Variants in RPGRIP1 observed in about 807,000 individuals in gnomAD.
The protein encoded by RPGRIP1 is X-linked retinitis pigmentosa GTPase regulator-interacting protein 1.
In RPGRIP1, 128 loss-of-function variants were observed where a neutral mutation model predicts 157.9. That is an observed-to-expected ratio of 0.81 (90% CI 0.70 to 0.94). The LOEUF is 0.94. Among genes scored for constraint, RPGRIP1 ranks in the 40% least tolerant of loss-of-function variants. The pLI is 0.00. For synonymous variants in RPGRIP1, 554 were observed against 571.6 expected (o/e 0.97, Z 0.44); for missense variants, 1,486 against 1,545.8 (o/e 0.96, Z 0.65).
chr14:21,296,102 ATTT>A (rs557240876), intron 3 of RPGRIP1, among the ~76,000 whole-genome samples: 3 of 136,356 alleles, frequency 2.2e-5, no homozygotes, highest in African/African-American at 2.7e-5. Flanking sequence ...TGGCCAGCTA[ATTT>A]TTTTTTTTTT....
chr14:21,286,677 C>G (rs1032553716), intron 1 of RPGRIP1, among the ~76,000 whole-genome samples: 6 of 151,892 alleles, frequency 4.0e-5, no homozygotes, highest in Non-Finnish European at 8.8e-5. Context: ...TGCCTGTAAT[C>G]TCAGCTACTT....
In RPGRIP1 at chr14:21,306,112, CTTTTTTTTTTTTTTTTTTT is replaced by C. The variant is rs539083010; in HGVS notation, c.801-1600_801-1582del. 2.6e-3 allele frequency among the ~76,000 whole-genome samples: 117 copies of C among 44,824 alleles called. 1 individual carries two copies. Among genetic ancestry groups the C allele is most frequent in the African/African-American group, 9.5e-3 (107 of 11,210 alleles). 29.4% of individuals were successfully genotyped at this position (44,824 alleles called of 152,430 possible). A position where few individuals can be genotyped will look rare whatever the true frequency, so the allele number is the denominator to read the frequency against. ...AGCTCCTAGGTTCAGGAATAATAGT[CTTTTTTTTTTTTTTTTTTT>C]TTTTTTTTTTTTTTTTTTGAGACAG... is the stretch of plus-strand genomic sequence containing the variant. On this transcript the variant is annotated intron_variant, in intron 6 of 24. Coordinates refer to ENST00000400017, the MANE Select transcript of RPGRIP1 (RefSeq NM_020366.4).
intron 14 of RPGRIP1, 197 bp from the exon 15 acceptor site, chr14:21,324,421 A>T: frequency 1.6e-6 from 1 of 614,956 alleles, no homozygotes; most frequent in Non-Finnish European, 2.9e-6. Flanking sequence ...TAAAGCTGGC[A>T]TTGGATTATT....
chr14:21,337,429 A>T (rs1884476312), intron 21 of RPGRIP1, among the ~76,000 whole-genome samples: 1 of 150,522 alleles, frequency 6.6e-6, no homozygotes, highest in Admixed American at 6.6e-5. Flanking sequence ...TGGAGTTCTC[A>T]ATGTTAAGCT....
chr14:21,289,267 G>T (rs1268397552), intron 2 of RPGRIP1, among the ~76,000 whole-genome samples: 1 of 152,140 alleles, frequency 6.6e-6, no homozygotes, highest in Non-Finnish European at 1.5e-5. Context: ...AGTGGAGCTT[G>T]CAGTGAGCCG....
chr14:21,324,589 A>C, intron 14 of RPGRIP1, 29 bp from the exon 15 acceptor site: 1 of 1,586,786 alleles, frequency 6.3e-7, no homozygotes, highest in Non-Finnish European at 8.6e-7. Flanking sequence ...CTACCCTTTA[A>C]CGGATAGGCA....
chr14:21,313,617 G>C (rs1476231560), intron 10 of RPGRIP1, among the ~76,000 whole-genome samples: 3 of 151,864 alleles, frequency 2.0e-5, no homozygotes, highest in Admixed American at 6.6e-5. Context: ...ATGAAGCCCT[G>C]TGTCTACTAA....
intron 21 of RPGRIP1, among the ~76,000 whole-genome samples, chr14:21,341,442 A>G (rs1884987452): frequency 6.6e-6 from 1 of 152,200 alleles, no homozygotes; most frequent in African/African-American, 2.4e-5. Flanking sequence ...TTGCTTTCTA[A>G]GAGAAGAAAA....
At position 21,328,626 on chromosome 14, in the gene RPGRIP1, A is replaced by T. The variant is rs775804131; in HGVS notation, c.3098A>T (p.Glu1033Val). 18 of 1,603,744 alleles carry T rather than the reference A, an allele frequency of 1.1e-5. No individual in the cohort carries two copies. The highest frequency in any genetic ancestry group is 1.5e-5 in the Non-Finnish European group (17 of 1,171,044). ...AACATCTTAAATGGAAATACACCAG[A>T]GGTAAGACCTTAAAAACTCTGAAGC... The part of the protein sequence containing the change: ...SLNILNGNTP[E>V]QVNYTEWKFS... The change falls in exon 19 of 25, where the codon GAG becomes GTG. Residue 1033 changes from glutamate (E) to valine (V), a missense_variant and splice_region_variant. Coordinates refer to ENST00000400017, the MANE Select transcript of RPGRIP1 (RefSeq NM_020366.4).
At chr14:21,320,980 C>A (rs1019854579) in intron 12 of RPGRIP1, among the ~76,000 whole-genome samples, 1 of 152,154 alleles carries the variant, frequency 6.6e-6, no homozygotes, top group Non-Finnish European at 1.5e-5. Context: ...CCACTCTTTG[C>A]AGCTCATAAA....
intron 10 of RPGRIP1, among the ~76,000 whole-genome samples, chr14:21,315,325 G>A (rs966882013): frequency 1.3e-4 from 19 of 151,776 alleles, no homozygotes; most frequent in Admixed American, 2.6e-4. Flanking sequence ...GGCTAACACG[G>A]TGAAACCCCG....
chr14:21,330,478 C>T lies in RPGRIP1; in HGVS notation c.3238+91C>T, dbSNP rs111251470. ...GATCAGGCTTTCAAGAGCAGCCTGGCCAACATGATGAAACCCGTCTCTACT... is the reference window on the plus strand; with the variant it reads ...GATCAGGCTTTCAAGAGCAGCCTGGTCAACATGATGAAACCCGTCTCTACT... On this transcript the variant is annotated intron_variant, in intron 20 of 24. Coordinates refer to ENST00000400017, the MANE Select transcript of RPGRIP1 (RefSeq NM_020366.4). 483 of 909,756 alleles carry T rather than the reference C, an allele frequency of 5.3e-4. 1 individual carries two copies. The African/African-American group carries it at 7.8e-3, about 15-fold the overall frequency. The allele number at this position is 909,756 out of a possible 1,614,324, so 56.4% of individuals were successfully genotyped here.
intron 21 of RPGRIP1, among the ~76,000 whole-genome samples, chr14:21,341,041 T>G (rs1421581181): frequency 6.6e-6 from 1 of 151,858 alleles, no homozygotes; most frequent in Non-Finnish European, 1.5e-5. Context: ...AATATCGTTT[T>G]TTTGTTTGTT....
chr14:21,281,229 G>A (rs1057372918), intron 1 of RPGRIP1, among the ~76,000 whole-genome samples: 2 of 151,596 alleles, frequency 1.3e-5, no homozygotes, highest in African/African-American at 4.8e-5. Context: ...TGTTGGCCAC[G>A]GCCAGGATGG....
At chr14:21,302,096 C>T (rs993940239) in intron 4 of RPGRIP1, among the ~76,000 whole-genome samples, 2 of 152,114 alleles carry the variant, frequency 1.3e-5, no homozygotes. Context: ...GACAACCAAA[C>T]GCATGCAAAA....
At chr14:21,339,271 C>A (rs141161451) in intron 21 of RPGRIP1, among the ~76,000 whole-genome samples, 4,165 of 152,054 alleles carry the variant, frequency 0.027, 192 homozygotes, top group African/African-American at 0.095. Context: ...CATGGTGAAA[C>A]CCCGTCTCTA....
At chr14:21,340,757 C>T (rs1223011398) in intron 21 of RPGRIP1, among the ~76,000 whole-genome samples, 2 of 152,132 alleles carry the variant, frequency 1.3e-5, no homozygotes, top group African/African-American at 2.4e-5. Flanking sequence ...AAATACATTT[C>T]TGCAGTATCC....
In RPGRIP1 at chr14:21,320,042, A is replaced by C. The variant is rs781219239; in HGVS notation, c.1332A>C (p.Glu444Asp). ...EKAQNEDLKL[E>D]VTNILQKHKQ... is the part of the protein sequence containing the mutation. ...CCCAAAATGAGGATCTGAAGCTTGAAGTCACCAACATACTTCAGAAGCATA... is the reference window on the plus strand; with the variant it reads ...CCCAAAATGAGGATCTGAAGCTTGACGTCACCAACATACTTCAGAAGCATA... Residue 444 changes from glutamate to aspartate, a missense_variant, in exon 12 of 25, where the codon GAA becomes GAC. Coordinates refer to ENST00000400017, the MANE Select transcript of RPGRIP1 (RefSeq NM_020366.4). 6.2e-7 allele frequency: 1 copy of C among 1,612,798 alleles called. No individual in the cohort carries two copies. The highest frequency in any genetic ancestry group is 1.7e-5 in the Admixed American group (1 of 59,784).
chr14:21,295,728 G>A (rs1170431446), intron 3 of RPGRIP1, among the ~76,000 whole-genome samples: 1 of 151,806 alleles, frequency 6.6e-6, no homozygotes, highest in Non-Finnish European at 1.5e-5. Flanking sequence ...CGCCTGCCTC[G>A]GCCTCCCAAA....
Sources: gnomAD v4.1 joint callset for allele counts (sites outside exome capture counted in the v4.1 genomes callset) on GRCh38, gnomAD v4.1.1 for gene constraint, MANE v1.5 for transcripts, NCBI Gene and HGNC (gene_info 2026-07-23, HGNC 2026-07-21) for gene names.